Variants in SLC39A10 observed in about 807,000 individuals in gnomAD.
The protein encoded by SLC39A10 is solute carrier family 39 member 10, also known as zinc transporter ZIP10.
SLC39A10 carries 13 observed loss-of-function variants against 65.1 expected under a neutral mutation model. The observed-to-expected ratio is 0.20, with a 90% CI of 0.13 to 0.32. The LOEUF is 0.32. SLC39A10 is among the 10% of genes least tolerant of loss of function. SLC39A10 has a pLI of 1.00. For synonymous variants in SLC39A10, 321 were observed against 342.2 expected, an observed-to-expected ratio of 0.94 and a Z score of 0.68; for missense variants, 831 against 1,018.4, an observed-to-expected ratio of 0.82 and a Z score of 2.50.
chr2:195,619,184 C>T (rs1688295473), intron 2 of SLC39A10, among the ~76,000 whole-genome samples: 1 of 150,970 alleles, frequency 6.6e-6, no homozygotes, highest in African/African-American at 2.4e-5. Context: ...ACGGGTAGAC[C>T]AATCCAGGGA....
rs1221548571 is a variant in SLC39A10, at chr2:195,635,706, C to CCA, written c.-12+29473_-12+29474insCA. On this transcript the variant is annotated intron_variant, in intron 2 of 2. Coordinates refer to the SLC39A10 transcript ENST00000458054. ...ATTGCTTTTTTTGTGGAACCCCCCC[C>CCA]ACTTTTTTTTTTTTTTACTTGAAAG... Among the ~76,000 whole-genome samples the CCA allele has an allele frequency of 5.1e-3, 201 of 39,118 alleles. 1 individual carries two copies. The highest frequency in any genetic ancestry group is 0.018 in the African/African-American group (179 of 10,210). 25.7% of individuals were successfully genotyped at this position (39,118 alleles called of 152,430 possible). A position where few individuals can be genotyped will look rare whatever the true frequency, so the allele number is the denominator to read the frequency against.
rs1235138994 is a variant in SLC39A10 at position 195,671,583 on chromosome 2, C to T, written c.-11-8449C>T. 2.0e-5 allele frequency: 3 copies of T among 152,304 alleles called. No homozygotes were observed. In the East Asian group the frequency reaches 5.8e-4, roughly 29 times the overall value. The allele number at this position is 152,304 out of a possible 1,614,324, so 9.4% of individuals were successfully genotyped here. A position where few individuals can be genotyped will look rare whatever the true frequency, so the allele number is the denominator to read the frequency against. On this transcript the variant is annotated intron_variant, in intron 1 of 9. Transcript: ENST00000359634. ...ATTTTGGCTTGGGCAAAGCTGTGTC[C>T]TATAAATGTCAGTTTTTAGGGTTGA... is the stretch of plus-strand genomic sequence containing the variant.
chr2:195,688,954 A>G (rs755042336), intron 3 of SLC39A10, among the ~76,000 whole-genome samples: 1 of 152,182 alleles, frequency 6.6e-6, no homozygotes, highest in African/African-American at 2.4e-5. Context: ...AAAGTTAGTA[A>G]TCCTTCCTAC....
chr2:195,641,572 T>A (rs1310341047), intron 2 of SLC39A10, among the ~76,000 whole-genome samples: 1 of 152,236 alleles, frequency 6.6e-6, no homozygotes, highest in Non-Finnish European at 1.5e-5. Context: ...TACTAAGTTT[T>A]AGAAATCCAA....
chr2:195,634,687 T>A (rs548021511), intron 2 of SLC39A10, among the ~76,000 whole-genome samples: 2 of 152,228 alleles, frequency 1.3e-5, no homozygotes, highest in South Asian at 4.1e-4. Context: ...ATAAGGAAAA[T>A]TTTTATCTCA....
intron 2 of SLC39A10, among the ~76,000 whole-genome samples, chr2:195,624,311 T>C (rs766139563): frequency 1.0e-3 from 141 of 140,938 alleles, no homozygotes; most frequent in Non-Finnish European, 1.9e-3. Context: ...CACTTGAACC[T>C]GGGAGGCAGA....
intron 1 of SLC39A10, among the ~76,000 whole-genome samples, chr2:195,678,459 G>A (rs1010938691): frequency 2.6e-5 from 4 of 151,052 alleles, no homozygotes; most frequent in East Asian, 1.9e-4. Flanking sequence ...TCATTGGGTC[G>A]TCTTATTGTA....
intron 1 of SLC39A10, among the ~76,000 whole-genome samples, chr2:195,664,021 C>T (rs887242095): frequency 6.6e-6 from 1 of 151,686 alleles, no homozygotes; most frequent in East Asian, 1.9e-4. Context: ...AAAGCACATA[C>T]AGTGTACATA....
At chr2:195,666,944 G>T (rs1258352216) in intron 1 of SLC39A10, among the ~76,000 whole-genome samples, 1 of 152,214 alleles carries the variant, frequency 6.6e-6, no homozygotes, top group Non-Finnish European at 1.5e-5. Flanking sequence ...TCCCTGTAAT[G>T]AAAGGCTGAA....
chr2:195,679,939 T>G (rs1430194827), intron 1 of SLC39A10, 93 bp from the exon 2 acceptor site: 3 of 1,096,726 alleles, frequency 2.7e-6, no homozygotes, highest in Non-Finnish European at 3.8e-6. Context: ...AGTAAAACTT[T>G]TTTTAGTGGA....
At chr2:195,723,545 A>C (rs1002457097) in intron 8 of SLC39A10, among the ~76,000 whole-genome samples, 2 of 152,142 alleles carry the variant, frequency 1.3e-5, no homozygotes, top group African/African-American at 4.8e-5. Flanking sequence ...GGACTCCACC[A>C]GGGTTTCACA....
chr2:195,708,046 C>G (rs1691469535), intron 4 of SLC39A10, among the ~76,000 whole-genome samples: 1 of 152,026 alleles, frequency 6.6e-6, no homozygotes, highest in Non-Finnish European at 1.5e-5. Flanking sequence ...TAAGGATACC[C>G]TCTTGCTAAC....
chr2:195,706,622 T>G lies in SLC39A10; in HGVS notation c.1223T>G (p.Ile408Ser), dbSNP rs1322728762. Residue 408 changes from isoleucine (I) to serine (S), a missense_variant, in exon 4 of 10, where the codon ATT becomes AGT. By Grantham distance (142) the Ile-to-Ser change is moderately radical (BLOSUM62 -2). Coordinates refer to ENST00000359634, the MANE Select transcript of SLC39A10 (RefSeq NM_020342.3). ...DEANIGASAW[I>S]CGIISITVIS... ...CTTAATTTCTTTTCTACAGCCTGGA[T>G]TTGTGGTATCATTTCTATCACTGTC... The G allele has an allele frequency of 6.2e-7, 1 of 1,611,262 alleles. No individual in the cohort carries two copies. The highest frequency in any genetic ancestry group is 1.3e-5 in the African/African-American group (1 of 74,678).
At chr2:195,697,057 GC>G (rs1690994150) in intron 3 of SLC39A10, among the ~76,000 whole-genome samples, 1 of 152,138 alleles carries the variant, frequency 6.6e-6, no homozygotes, top group African/African-American at 2.4e-5. Flanking sequence ...TGTTGAGTAG[GC>G]TGAGGACAGA....
chr2:195,721,679 C>G (rs1378051409), intron 8 of SLC39A10, among the ~76,000 whole-genome samples: 1 of 152,136 alleles, frequency 6.6e-6, no homozygotes, highest in Non-Finnish European at 1.5e-5. Context: ...TCAAGGCTAT[C>G]AGTTTTTATA....
chr2:195,668,027 T>A (rs1559024078), intron 1 of SLC39A10, among the ~76,000 whole-genome samples: 1 of 152,244 alleles, frequency 6.6e-6, no homozygotes, highest in Non-Finnish European at 1.5e-5. Context: ...GTTAAGGGAC[T>A]TGCTCAAGGA....
intron 8 of SLC39A10, among the ~76,000 whole-genome samples, chr2:195,722,464 G>A (rs560070673): frequency 1.3e-5 from 2 of 152,186 alleles, no homozygotes; most frequent in African/African-American, 4.8e-5. Context: ...ATATGATTGT[G>A]GAGCCTAGTT....
intron 8 of SLC39A10, among the ~76,000 whole-genome samples, chr2:195,725,462 G>A (rs1197152390): frequency 6.6e-6 from 1 of 152,108 alleles, no homozygotes; most frequent in Non-Finnish European, 1.5e-5. Flanking sequence ...AAAGTATACA[G>A]ATGAGATTTC....
intron 2 of SLC39A10, among the ~76,000 whole-genome samples, chr2:195,615,401 A>T (rs534146818): frequency 7.9e-5 from 12 of 152,282 alleles, no homozygotes; most frequent in Admixed American, 7.2e-4. Flanking sequence ...GTCTTCAGGC[A>T]ATCCTCCCAC....
Sources: gnomAD v4.1 joint callset for allele counts (sites outside exome capture counted in the v4.1 genomes callset) on GRCh38, gnomAD v4.1.1 for gene constraint, MANE v1.5 for transcripts, NCBI Gene and HGNC (gene_info 2026-07-23, HGNC 2026-07-21) for gene names.